The following GRM7 variants were observed in gnomAD, a reference collection of about 807,000 sequenced individuals.
GRM7 encodes metabotropic glutamate receptor 7.
A neutral mutation model predicts 84.5 loss-of-function variants in GRM7; 35 were observed. That is an observed-to-expected ratio of 0.41 (90% CI 0.32 to 0.55). The LOEUF is 0.55. GRM7 is among the 20% of genes least tolerant of loss of function. GRM7 has a pLI of 0.19. For synonymous variants in GRM7, 487 were observed against 455.1 expected (o/e 1.07, Z -0.89); for missense variants, 1,003 against 1,194.6 (o/e 0.84, Z 2.36).
At chr3:7,481,251 A>AT (rs1014048067) in intron 7 of GRM7, among the ~76,000 whole-genome samples, 4 of 151,780 alleles carry the variant, frequency 2.6e-5, no homozygotes, top group Admixed American at 6.6e-5. Context: ...ATTTTTTTAA[A>AT]TTTTTTTGTA....
At chr3:7,472,030 A>C (rs1449606130) in intron 7 of GRM7, among the ~76,000 whole-genome samples, 3 of 152,148 alleles carry the variant, frequency 2.0e-5, no homozygotes, top group African/African-American at 7.2e-5. Flanking sequence ...CCTACCTCGG[A>C]GGTGAGTGAG....
At position 6,953,346 on chromosome 3, in the gene GRM7, A is replaced by C. The variant is rs73126722; in HGVS notation, c.519+91439A>C. ...ACATGCCTTGGCAAGATCTAGATGC[A>C]GGAGGTTCTGGCAACTGTTGCCCTG... On this transcript the variant is annotated intron_variant, in intron 1 of 9. Coordinates refer to ENST00000357716, the MANE Select transcript of GRM7 (RefSeq NM_000844.4). Among the ~76,000 whole-genome samples the C allele has an allele frequency of 8.1e-3, 1,239 of 152,334 alleles. 15 individuals are homozygous for C. Among genetic ancestry groups the C allele is most frequent in the African/African-American group, 0.028 (1,147 of 41,568 alleles).
intron 1 of GRM7, among the ~76,000 whole-genome samples, chr3:6,971,495 C>T (rs774564684): frequency 6.6e-6 from 1 of 152,134 alleles, no homozygotes; most frequent in East Asian, 1.9e-4. Context: ...CCATCAAAAT[C>T]AAGAAACGGA....
At position 7,622,962 on chromosome 3, in the gene GRM7, A is replaced by G. The variant is rs191613733; in HGVS notation, c.2451+43605A>G. ...TGGGGGGTTGCAGGCCCAGAAGATA[A>G]GGTAACTATGGGCGTCAACTAAGAA... On this transcript the variant is annotated intron_variant, in intron 8 of 9. Transcript: ENST00000357716. Among the ~76,000 whole-genome samples the G allele has an allele frequency of 2.1e-3, 319 of 152,276 alleles. 1 individual carries two copies. The highest frequency in any genetic ancestry group is 7.3e-3 in the African/African-American group (304 of 41,564).
At chr3:7,319,938 T>C (rs1332146888) in intron 4 of GRM7, among the ~76,000 whole-genome samples, 2 of 152,180 alleles carry the variant, frequency 1.3e-5, no homozygotes, top group East Asian at 3.9e-4. Context: ...AGGTAACCAC[T>C]ACACAAATCA....
chr3:7,102,038 CATAAT>C (rs1177123704), intron 1 of GRM7, among the ~76,000 whole-genome samples: 1 of 151,396 alleles, frequency 6.6e-6, no homozygotes, highest in African/African-American at 2.4e-5. Flanking sequence ...TTATACATCC[CATAAT>C]ATAATGTAAA....
intron 7 of GRM7, among the ~76,000 whole-genome samples, chr3:7,525,172 G>A (rs955010096): frequency 2.0e-4 from 31 of 151,840 alleles, no homozygotes; most frequent in African/African-American, 7.5e-4. Flanking sequence ...GCTAAATGAC[G>A]AGTTAATGGG....
intron 2 of GRM7, among the ~76,000 whole-genome samples, chr3:7,197,526 T>A (rs1053200664): frequency 1.3e-5 from 2 of 152,170 alleles, no homozygotes; most frequent in Non-Finnish European, 2.9e-5. Flanking sequence ...TTCCTAATGC[T>A]AAAAGATTGT....
chr3:7,341,106 TCAGAGAAGAGAA>T (rs1479726876), intron 4 of GRM7, among the ~76,000 whole-genome samples: 1 of 152,126 alleles, frequency 6.6e-6, no homozygotes, highest in Non-Finnish European at 1.5e-5. Flanking sequence ...AACTTTTGGC[TCAGAGAAGAGAA>T]CAGAGCTTTA....
At chr3:7,294,259 G>T (rs1699738065) in intron 2 of GRM7, among the ~76,000 whole-genome samples, 1 of 152,168 alleles carries the variant, frequency 6.6e-6, no homozygotes, top group African/African-American at 2.4e-5. Flanking sequence ...TAATCACTCA[G>T]CTGTAATTGA....
intron 1 of GRM7, among the ~76,000 whole-genome samples, chr3:6,941,709 A>G (rs1697899958): frequency 6.6e-6 from 1 of 152,226 alleles, no homozygotes; most frequent in African/African-American, 2.4e-5. Flanking sequence ...TGTATATTTC[A>G]GTCTCTTCAT....
intron 1 of GRM7, among the ~76,000 whole-genome samples, chr3:6,958,079 G>A (rs1297848118): frequency 1.3e-5 from 2 of 150,240 alleles, no homozygotes; most frequent in Non-Finnish European, 3.0e-5. Context: ...GTGTATATAT[G>A]TGTGTGTGTG....
intron 1 of GRM7, among the ~76,000 whole-genome samples, chr3:7,127,216 A>G (rs1693431027): frequency 2.0e-5 from 3 of 152,244 alleles, no homozygotes; most frequent in South Asian, 4.1e-4. Context: ...CATTTACTCC[A>G]TATTGACAGC....
At chr3:7,312,428 C>A (rs1052960284) in intron 4 of GRM7, among the ~76,000 whole-genome samples, 1 of 151,958 alleles carries the variant, frequency 6.6e-6, no homozygotes, top group African/African-American at 2.4e-5. Context: ...GGTGGACAAC[C>A]TTTGGGGACA....
chr3:6,935,162 T>C (rs1482275980), intron 1 of GRM7, among the ~76,000 whole-genome samples: 1 of 152,192 alleles, frequency 6.6e-6, no homozygotes, highest in Non-Finnish European at 1.5e-5. Context: ...TTTCATGTAG[T>C]AGAATGAAAG....
intron 8 of GRM7, among the ~76,000 whole-genome samples, chr3:7,580,231 G>C (rs952755415): frequency 2.0e-5 from 3 of 152,182 alleles, no homozygotes; most frequent in African/African-American, 7.2e-5. Context: ...TATATTGATA[G>C]TGATAAGATA....
chr3:7,184,182 G>A (rs987300762), intron 2 of GRM7, among the ~76,000 whole-genome samples: 1 of 152,016 alleles, frequency 6.6e-6, no homozygotes, highest in Non-Finnish European at 1.5e-5. Flanking sequence ...AATATACTAT[G>A]TAGCATACTT....
intron 9 of GRM7, among the ~76,000 whole-genome samples, chr3:7,727,008 T>C (rs1328277435): frequency 6.6e-6 from 1 of 152,064 alleles, no homozygotes; most frequent in African/African-American, 2.4e-5. Context: ...ACCAGTTTTC[T>C]TATGGCTTTT....
At position 6,917,788 on chromosome 3, in the gene GRM7, T is replaced by G. The variant is rs76395841; in HGVS notation, c.519+55881T>G. Among the ~76,000 whole-genome samples, 1,297 of 152,244 alleles carry G rather than the reference T, an allele frequency of 8.5e-3. 7 individuals carry two copies. The highest frequency in any genetic ancestry group is 0.014 in the Non-Finnish European group (974 of 68,004). ...GGCAGATGAAGTTCAGAAAAAAATG[T>G]CACATTGGAAACTAGGATTTGAGGC... is the stretch of plus-strand genomic sequence containing the variant. On this transcript the variant is annotated intron_variant, in intron 1 of 9. Transcript: ENST00000357716.
Sources: gnomAD v4.1 joint callset for allele counts (sites outside exome capture counted in the v4.1 genomes callset) on GRCh38, gnomAD v4.1.1 for gene constraint, MANE v1.5 for transcripts, NCBI Gene and HGNC (gene_info 2026-07-23, HGNC 2026-07-21) for gene names.